Variants in KCNH8 observed in about 807,000 individuals in gnomAD.
The protein encoded by KCNH8 is potassium voltage-gated channel subfamily H member 8, also known as voltage-gated delayed rectifier potassium channel KCNH8.
KCNH8 carries 70 observed loss-of-function variants against 103.6 expected under a neutral mutation model. The observed-to-expected ratio is 0.68, with a 90% CI of 0.56 to 0.82. The LOEUF (loss-of-function observed/expected upper bound fraction) is 0.82. Ranked by LOEUF, KCNH8 falls within the 40% of genes least tolerant of loss-of-function variation. The pLI is 0.00. For missense variants in KCNH8, 1,217 were observed against 1,329.9 expected, an observed-to-expected ratio of 0.92 and a Z score of 1.32; for synonymous variants, 498 against 489.4, an observed-to-expected ratio of 1.02 and a Z score of -0.23.
At chr3:19,498,982 A>C (rs1408592378) in intron 11 of KCNH8, among the ~76,000 whole-genome samples, 1 of 152,206 alleles carries the variant, frequency 6.6e-6, no homozygotes, top group African/African-American at 2.4e-5. Flanking sequence ...TGCTCTCTTC[A>C]AACCTCAGAT....
intron 2 of KCNH8, among the ~76,000 whole-genome samples, chr3:19,258,947 C>CTCTCTCTATATATATATATATA (rs1321918245): frequency 8.1e-5 from 2 of 24,800 alleles, no homozygotes; most frequent in Non-Finnish European, 1.6e-4. Context: ...CTCTCTCTCT[C>CTCTCTCTATATATATATATATA]TATATATATA....
chr3:19,339,722 A>G (rs114076698), intron 3 of KCNH8, among the ~76,000 whole-genome samples: 1,654 of 152,140 alleles, frequency 0.011, 30 homozygotes, highest in African/African-American at 0.038. Flanking sequence ...GCTTTTTTTA[A>G]AAGTAACATT....
chr3:19,229,633 C>G (rs895806248), intron 1 of KCNH8, among the ~76,000 whole-genome samples: 2 of 152,220 alleles, frequency 1.3e-5, no homozygotes, highest in African/African-American at 4.8e-5. Flanking sequence ...GGCCTCTGGG[C>G]CTGTGATGGG....
chr3:19,468,882 G>A (rs931375546), intron 11 of KCNH8, among the ~76,000 whole-genome samples: 1 of 152,150 alleles, frequency 6.6e-6, no homozygotes, highest in South Asian at 2.1e-4. Context: ...TGATGCCTAT[G>A]TGACTATATT....
At chr3:19,431,807 T>A (rs180792037) in intron 7 of KCNH8, among the ~76,000 whole-genome samples, 21 of 152,342 alleles carry the variant, frequency 1.4e-4, no homozygotes, top group African/African-American at 5.1e-4. Context: ...TATAACATTC[T>A]CTCATGGTTC....
chr3:19,410,468 C>T (rs1439757087), intron 7 of KCNH8, among the ~76,000 whole-genome samples: 1 of 152,028 alleles, frequency 6.6e-6, no homozygotes, highest in African/African-American at 2.4e-5. Context: ...ACAATCTAAC[C>T]TAACATCTAG....
intron 5 of KCNH8, among the ~76,000 whole-genome samples, chr3:19,354,975 C>A (rs2065859862): frequency 6.6e-6 from 1 of 152,224 alleles, no homozygotes; most frequent in African/African-American, 2.4e-5. Flanking sequence ...TTTTTACAAT[C>A]TGCCCATCTG....
intron 11 of KCNH8, among the ~76,000 whole-genome samples, chr3:19,466,552 A>G (rs2067739661): frequency 6.6e-6 from 1 of 151,146 alleles, no homozygotes; most frequent in Non-Finnish European, 1.5e-5. Flanking sequence ...CACCCTGATT[A>G]GTCAGCAGCC....
intron 1 of KCNH8, among the ~76,000 whole-genome samples, chr3:19,209,415 G>A (rs1467087087): frequency 6.6e-6 from 1 of 152,060 alleles, no homozygotes; most frequent in Non-Finnish European, 1.5e-5. Flanking sequence ...TGTTTATCTA[G>A]AAAGTAATGC....
chr3:19,227,137 G>A (rs2063941408), intron 1 of KCNH8, among the ~76,000 whole-genome samples: 1 of 152,094 alleles, frequency 6.6e-6, no homozygotes, highest in Non-Finnish European at 1.5e-5. Context: ...ATTACTCTTT[G>A]GGCACCTCAG....
intron 1 of KCNH8, among the ~76,000 whole-genome samples, chr3:19,175,115 C>G (rs2063384759): frequency 6.6e-6 from 1 of 152,062 alleles, no homozygotes; most frequent in Non-Finnish European, 1.5e-5. Context: ...CTTTTGCTGA[C>G]AGTTTGCCTT....
At chr3:19,376,305 G>A (rs1036803679) in intron 5 of KCNH8, among the ~76,000 whole-genome samples, 2 of 152,194 alleles carry the variant, frequency 1.3e-5, no homozygotes, top group Non-Finnish European at 2.9e-5. Context: ...CTCGTGGTGC[G>A]CCATTTTTGA....
intron 3 of KCNH8, among the ~76,000 whole-genome samples, chr3:19,318,660 TGTAC>T (rs757927667): frequency 2.3e-3 from 211 of 92,686 alleles, no homozygotes; most frequent in African/African-American, 7.6e-3. Context: ...TGTGTGTGTG[TGTAC>T]ACACACACAC....
intron 7 of KCNH8, among the ~76,000 whole-genome samples, chr3:19,411,681 G>C (rs143313324): frequency 3.3e-5 from 5 of 151,736 alleles, no homozygotes; most frequent in African/African-American, 1.2e-4. Context: ...GAAAATCAAT[G>C]TACAAAAATC....
chr3:19,364,654 AATGTAGGGATTTTAC>A (rs2065988090), intron 5 of KCNH8, among the ~76,000 whole-genome samples: 1 of 152,200 alleles, frequency 6.6e-6, no homozygotes, highest in Non-Finnish European at 1.5e-5. Flanking sequence ...TTATCTCAAA[AATGTAGGGATTTTAC>A]ATGTCAGAAT....
At chr3:19,371,292 G>A (rs2125116277) in intron 5 of KCNH8, among the ~76,000 whole-genome samples, 1 of 151,338 alleles carries the variant, frequency 6.6e-6, no homozygotes, top group East Asian at 1.9e-4. Context: ...ACTTTTTAAT[G>A]ATTGCCATTC....
At chr3:19,401,279 T>C (rs1476132052) in intron 7 of KCNH8, among the ~76,000 whole-genome samples, 1 of 151,974 alleles carries the variant, frequency 6.6e-6, no homozygotes, top group African/African-American at 2.4e-5. Context: ...TTTGAGGAAG[T>C]TAATACTCCC....
chr3:19,342,588 C>G lies in KCNH8; in HGVS notation c.444C>G (p.Asp148Glu). 6.2e-7 allele frequency: 1 copy of G among 1,608,922 alleles called. No individual in the cohort carries two copies. Among genetic ancestry groups the G allele is most frequent in the Non-Finnish European group, 8.5e-7 (1 of 1,176,740 alleles). Residue 148 changes from aspartate to glutamate, a missense_variant and splice_region_variant, in exon 4 of 16, where the codon GAC (aspartate) becomes GAG (glutamate). Physicochemically the swap from Asp to Glu is conservative, Grantham distance 45 (BLOSUM62 2). Transcript: ENST00000328405. ...CTAATGAGTTTTATTTTCCCCCAGA[C>G]AAAGTCAAAGGAAGATCAAGAGCAG... ...VKITPEDKKE[D>E]KVKGRSRAGT...
chr3:19,425,657 T>A (rs1218033794), intron 7 of KCNH8, among the ~76,000 whole-genome samples: 5 of 152,126 alleles, frequency 3.3e-5, no homozygotes, highest in Non-Finnish European at 2.9e-5. Flanking sequence ...GGGAACAGGA[T>A]GTGAGAACAG....
Sources: gnomAD v4.1 joint callset for allele counts (sites outside exome capture counted in the v4.1 genomes callset) on GRCh38, gnomAD v4.1.1 for gene constraint, MANE v1.5 for transcripts, NCBI Gene and HGNC (gene_info 2026-07-23, HGNC 2026-07-21) for gene names.